The following GPR137C variants were observed in gnomAD, a reference collection of about 807,000 sequenced individuals.
GPR137C encodes G protein-coupled receptor 137C, also known as integral membrane protein GPR137C.
A neutral mutation model predicts 43.4 loss-of-function variants in GPR137C; 27 were observed. The observed-to-expected ratio is 0.62, with a 90% CI of 0.46 to 0.86. GPR137C has a LOEUF of 0.86. Ranked by LOEUF, GPR137C falls within the 40% of genes least tolerant of loss-of-function variation. GPR137C has a pLI of 0.00. For missense variants in GPR137C, 522 were observed against 534.6 expected, an observed-to-expected ratio of 0.98 and a Z score of 0.23; for synonymous variants, 285 against 226.9, an observed-to-expected ratio of 1.26 and a Z score of -2.30.
At chr14:52,619,047 CT>C (rs1203129687) in intron 3 of GPR137C, among the ~76,000 whole-genome samples, 1 of 152,278 alleles carries the variant, frequency 6.6e-6, no homozygotes, top group African/African-American at 2.4e-5. Flanking sequence ...TCCTGTATTT[CT>C]AACAGTTTTA....
At chr14:52,560,646 G>A (rs954660182) in intron 1 of GPR137C, among the ~76,000 whole-genome samples, 2 of 152,130 alleles carry the variant, frequency 1.3e-5, no homozygotes, top group African/African-American at 2.4e-5. Flanking sequence ...AAGTGCCAAG[G>A]TAATTTAGTG....
chr14:52,618,197 A>G (rs549258122), intron 3 of GPR137C, among the ~76,000 whole-genome samples: 59 of 152,160 alleles, frequency 3.9e-4, no homozygotes, highest in Non-Finnish European at 7.5e-4. Context: ...CTTTTTGGTA[A>G]GAGTTGACCT....
chr14:52,559,162 G>A (rs946323899), intron 1 of GPR137C, among the ~76,000 whole-genome samples: 3 of 152,136 alleles, frequency 2.0e-5, no homozygotes, highest in African/African-American at 7.2e-5. Context: ...CAGATACAAG[G>A]TCAGGAGATC....
At chr14:52,575,792 C>CT (rs1483532208) in intron 1 of GPR137C, among the ~76,000 whole-genome samples, 1 of 152,166 alleles carries the variant, frequency 6.6e-6, no homozygotes, top group Non-Finnish European at 1.5e-5. Context: ...TGTTCCAGGA[C>CT]AGTCTACTTT....
Position 52,600,122 on chromosome 14 carries a change from G to A in GPR137C, c.498G>A (p.Leu166=). The A allele has an allele frequency of 6.2e-7, 1 of 1,611,436 alleles. No individual in the cohort carries two copies. The highest frequency in any genetic ancestry group is 8.5e-7 in the Non-Finnish European group (1 of 1,177,912). Residue 166 remains leucine (L), a synonymous_variant, in exon 3 of 7, where the codon CTG becomes CTA. Coordinates refer to ENST00000321662, the MANE Select transcript of GPR137C (RefSeq NM_001099652.2). ...ATELDRHKIL[L]HLGFIMASLL... ...ACTTTTTTTCTTTCAGAATTCTACT[G>A]CATTTGGGCTTTATAATGGCAAGCC...
At chr14:52,628,455 A>G (rs2039255481) in intron 3 of GPR137C, among the ~76,000 whole-genome samples, 1 of 152,210 alleles carries the variant, frequency 6.6e-6, no homozygotes, top group Non-Finnish European at 1.5e-5. Flanking sequence ...AATAAAAAGT[A>G]ACCATGAAAA....
chr14:52,556,415 A>G (rs1464528759), intron 1 of GPR137C, among the ~76,000 whole-genome samples: 3 of 141,624 alleles, frequency 2.1e-5, no homozygotes, highest in South Asian at 2.2e-4. Context: ...CTTGGTGTCT[A>G]CACTTGAATG....
chr14:52,567,194 G>A (rs749949018), intron 1 of GPR137C, among the ~76,000 whole-genome samples: 2 of 152,130 alleles, frequency 1.3e-5, no homozygotes, highest in African/African-American at 2.4e-5. Flanking sequence ...TTGGACCCTT[G>A]CTAAGTGACC....
At position 52,633,820 on chromosome 14, in the gene GPR137C, G is replaced by C; in HGVS notation, c.994-8G>C. On this transcript the variant is annotated splice_region_variant and splice_polypyrimidine_tract_variant and intron_variant, in intron 5 of 6. Coordinates refer to ENST00000321662, the MANE Select transcript of GPR137C (RefSeq NM_001099652.2). ...ACCTTCATATGCTATCTAATACTTTGTTCACAGGCACCTGCTGGCATGATA... is the reference window on the plus strand; with the variant it reads ...ACCTTCATATGCTATCTAATACTTTCTTCACAGGCACCTGCTGGCATGATA... The C allele has an allele frequency of 6.3e-7, 1 of 1,594,230 alleles. No homozygotes were observed. The highest frequency in any genetic ancestry group is 8.6e-7 in the Non-Finnish European group (1 of 1,162,490).
At chr14:52,623,604 T>A (rs911931898) in intron 3 of GPR137C, among the ~76,000 whole-genome samples, 1 of 152,194 alleles carries the variant, frequency 6.6e-6, no homozygotes. Flanking sequence ...TATTCAAAAA[T>A]GTTCTGTTAC....
intron 3 of GPR137C, among the ~76,000 whole-genome samples, chr14:52,625,353 G>T (rs1025311986): frequency 1.3e-5 from 2 of 151,054 alleles, no homozygotes; most frequent in Admixed American, 1.3e-4. Flanking sequence ...GTGGTGGCGC[G>T]CACCTGTACT....
chr14:52,605,603 G>T (rs570618808), intron 3 of GPR137C, among the ~76,000 whole-genome samples: 1 of 152,132 alleles, frequency 6.6e-6, no homozygotes, highest in Non-Finnish European at 1.5e-5. Flanking sequence ...AGTGGTGAAA[G>T]TGGGCATCCT....
At chr14:52,558,719 A>G (rs2139432281) in intron 1 of GPR137C, among the ~76,000 whole-genome samples, 1 of 152,356 alleles carries the variant, frequency 6.6e-6, no homozygotes, top group South Asian at 2.1e-4. Flanking sequence ...TATGAATTAA[A>G]CACTGTTGAA....
At chr14:52,634,872 A>T in intron 6 of GPR137C, 66 bp from the exon 7 acceptor site, 1 of 1,390,796 alleles carries the variant, frequency 7.2e-7, no homozygotes, top group Non-Finnish European at 9.8e-7. Flanking sequence ...AATGCTAAAA[A>T]TTCAAATGTG....
intron 1 of GPR137C, among the ~76,000 whole-genome samples, chr14:52,560,167 A>C (rs182995888): frequency 6.6e-6 from 1 of 152,188 alleles, no homozygotes; most frequent in African/African-American, 2.4e-5. Context: ...AAAAACAACA[A>C]TTCTACATGC....
rs1169964575 is a variant in GPR137C at position 52,553,059 on chromosome 14, G to A, written c.-89G>A. 6 of 606,402 alleles carry A rather than the reference G, an allele frequency of 9.9e-6. No individual in the cohort carries two copies. Among genetic ancestry groups the A allele is most frequent in the Non-Finnish European group, 1.1e-5 (5 of 473,988 alleles). 37.6% of individuals were successfully genotyped at this position (606,402 alleles called of 1,614,324 possible). On this transcript the variant is annotated 5_prime_UTR_variant, in exon 1 of 7. Coordinates refer to ENST00000321662, the MANE Select transcript of GPR137C (RefSeq NM_001099652.2). ...GGTTAGAGGCTGGGGTGGGTGGGGG[G>A]TAAGGGGGCAGTCCTTCTCCCCTTC...
intron 1 of GPR137C, among the ~76,000 whole-genome samples, chr14:52,579,836 A>T (rs1158477424): frequency 1.3e-5 from 2 of 152,162 alleles, no homozygotes; most frequent in African/African-American, 4.8e-5. Context: ...GATTTTTTTT[A>T]TTGCGAGCTG....
At chr14:52,584,558 C>T (rs1438436613) in intron 1 of GPR137C, among the ~76,000 whole-genome samples, 1 of 152,086 alleles carries the variant, frequency 6.6e-6, no homozygotes. Context: ...GTATAAGACT[C>T]CTCCTTTTTG....
chr14:52,575,551 G>C (rs1406483569), intron 1 of GPR137C, among the ~76,000 whole-genome samples: 1 of 152,070 alleles, frequency 6.6e-6, no homozygotes, highest in African/African-American at 2.4e-5. Flanking sequence ...ACATTTTCTT[G>C]GGCATGTTAA....
Sources: allele counts gnomAD v4.1 joint callset (sites outside exome capture counted in the v4.1 genomes callset), GRCh38; gene constraint gnomAD v4.1.1; transcripts MANE v1.5; gene names NCBI Gene and HGNC (gene_info 2026-07-23, HGNC 2026-07-21).